The following CAMKMT variants were observed in gnomAD, a reference collection of about 807,000 sequenced individuals.
CAMKMT encodes CaM KMT.
A neutral mutation model predicts 48.0 loss-of-function variants in CAMKMT; 53 were observed. The ratio of observed to expected loss-of-function variants is 1.10; its 90% confidence interval spans 0.89 to 1.39. CAMKMT has a LOEUF of 1.39. CAMKMT is among the 40% of genes most tolerant of loss of function. The pLI is 0.00. For synonymous variants in CAMKMT, 165 were observed against 152.3 expected, an observed-to-expected ratio of 1.08 and a Z score of -0.61; for missense variants, 428 against 402.7, an observed-to-expected ratio of 1.06 and a Z score of -0.54.
At chr2:44,410,885 T>TG (rs1683157014) in intron 3 of CAMKMT, among the ~76,000 whole-genome samples, 2 of 152,170 alleles carry the variant, frequency 1.3e-5, no homozygotes, top group Non-Finnish European at 2.9e-5. Flanking sequence ...AATGAAGCAA[T>TG]TACTTTTTAA....
chr2:44,717,169 C>T (rs1678215030), intron 7 of CAMKMT, among the ~76,000 whole-genome samples: 1 of 151,896 alleles, frequency 6.6e-6, no homozygotes, highest in South Asian at 2.1e-4. Flanking sequence ...AGATATATTG[C>T]TCTGATATGT....
chr2:44,514,070 C>G lies in CAMKMT; in HGVS notation c.376+123765C>G, dbSNP rs146850743. 4.3e-4 allele frequency among the ~76,000 whole-genome samples: 64 copies of G among 148,290 alleles called. No homozygotes were observed. In the East Asian group the frequency reaches 6.7e-3, roughly 16 times the overall value. ...TGAGTTGAGATTGCGCCACTACACT[C>G]TAGCCTGGGTGACAGAGCGAGACCC... On this transcript the variant is annotated intron_variant, in intron 3 of 10. Transcript: ENST00000378494.
intron 3 of CAMKMT, among the ~76,000 whole-genome samples, chr2:44,424,498 C>G (rs186542050): frequency 3.3e-4 from 50 of 152,234 alleles, no homozygotes; most frequent in Admixed American, 1.1e-3. Context: ...ACAATGTTTC[C>G]TCATACAATA....
chr2:44,730,098 A>G (rs556887115), intron 7 of CAMKMT, among the ~76,000 whole-genome samples: 1 of 152,348 alleles, frequency 6.6e-6, no homozygotes, highest in Admixed American at 6.5e-5. Flanking sequence ...GAGGAGAAAG[A>G]TGGTATCAGA....
chr2:44,618,124 G>A lies in CAMKMT; in HGVS notation c.377-86159G>A, dbSNP rs1268082204. Among the ~76,000 whole-genome samples the A allele has an allele frequency of 6.6e-6, 1 of 152,184 alleles. No homozygotes were observed. Among genetic ancestry groups the A allele is most frequent in the Admixed American group, 6.5e-5 (1 of 15,280 alleles). On this transcript the variant is annotated intron_variant, in intron 3 of 10. Transcript: ENST00000378494. The surrounding 1 kb of genome is among the most constrained non-coding windows in gnomAD (Gnocchi z 4.0). ...TAAAAAATGATGTTCTCTGCTTCAA[G>A]CAGCAGGTGTGTTTTTAATCTTTAA... is the stretch of plus-strand genomic sequence containing the variant.
chr2:44,487,985 C>T (rs1669292263), intron 3 of CAMKMT, among the ~76,000 whole-genome samples: 1 of 152,196 alleles, frequency 6.6e-6, no homozygotes, highest in Admixed American at 6.5e-5. Context: ...GTTTCTGCCT[C>T]ATTTTCATAC....
At chr2:44,705,080 G>A (rs116324790) in intron 4 of CAMKMT, among the ~76,000 whole-genome samples, 449 of 152,120 alleles carry the variant, frequency 3.0e-3, no homozygotes, top group African/African-American at 0.01. Flanking sequence ...CAGATAAGCC[G>A]CTAGTGATCA....
chr2:44,591,980 G>A (rs1209144543), intron 3 of CAMKMT, among the ~76,000 whole-genome samples: 1 of 149,400 alleles, frequency 6.7e-6, no homozygotes, highest in East Asian at 2.0e-4. Context: ...ACCAAACACC[G>A]CATATTCTCA....
intron 8 of CAMKMT, among the ~76,000 whole-genome samples, chr2:44,749,595 T>C (rs1466688273): frequency 3.9e-5 from 6 of 152,182 alleles, no homozygotes; most frequent in Non-Finnish European, 8.8e-5. Flanking sequence ...CAACAAACCT[T>C]TATCAACTAA....
intron 3 of CAMKMT, among the ~76,000 whole-genome samples, chr2:44,660,806 A>G (rs575249554): frequency 6.6e-6 from 1 of 152,262 alleles, no homozygotes; most frequent in South Asian, 2.1e-4. Flanking sequence ...ACAGGGTCTC[A>G]CTATGTTGCC....
chr2:44,672,131 A>G (rs1394180916), intron 3 of CAMKMT, among the ~76,000 whole-genome samples: 1 of 152,144 alleles, frequency 6.6e-6, no homozygotes, highest in Admixed American at 6.5e-5. Context: ...CTTAATGAGT[A>G]AGAGTAGTTT....
intron 3 of CAMKMT, among the ~76,000 whole-genome samples, chr2:44,691,911 C>A (rs1573089746): frequency 6.6e-6 from 1 of 152,218 alleles, no homozygotes; most frequent in Non-Finnish European, 1.5e-5. Flanking sequence ...TTCAGACATT[C>A]TCTCCTACTC....
intron 3 of CAMKMT, among the ~76,000 whole-genome samples, chr2:44,418,727 T>C (rs1683734181): frequency 6.6e-6 from 1 of 152,192 alleles, no homozygotes; most frequent in Non-Finnish European, 1.5e-5. Flanking sequence ...CCATTCTAGG[T>C]TCTTGCATTT....
intron 3 of CAMKMT, among the ~76,000 whole-genome samples, chr2:44,643,269 G>C (rs1382858027): frequency 6.6e-6 from 1 of 152,174 alleles, no homozygotes; most frequent in South Asian, 2.1e-4. Context: ...CACTGTGTAA[G>C]GCATGGAGAG....
chr2:44,618,257 A>G lies in CAMKMT; in HGVS notation c.377-86026A>G, dbSNP rs1437270061. Among the ~76,000 whole-genome samples the G allele has an allele frequency of 6.6e-6, 1 of 152,220 alleles. No homozygotes were observed. The highest frequency in any genetic ancestry group is 2.1e-4 in the South Asian group (1 of 4,834). On this transcript the variant is annotated intron_variant, in intron 3 of 10. Transcript: ENST00000378494. This position sits in a 1 kb window ranked among gnomAD's most constrained non-coding sequence, Gnocchi z 4.0. ...CAAACTTTATTGAATTTGACTTAACAGAAGTCAGAAGACAGCTGAAGCATA... is the reference window on the plus strand; with the variant it reads ...CAAACTTTATTGAATTTGACTTAACGGAAGTCAGAAGACAGCTGAAGCATA...
At chr2:44,365,234 C>G (rs1032873094) in intron 1 of CAMKMT, among the ~76,000 whole-genome samples, 1 of 152,180 alleles carries the variant, frequency 6.6e-6, no homozygotes, top group East Asian at 1.9e-4. Flanking sequence ...AAAATTCTGT[C>G]TTTCCATTAC....
At chr2:44,598,930 G>A (rs566362281) in intron 3 of CAMKMT, among the ~76,000 whole-genome samples, 2 of 151,884 alleles carry the variant, frequency 1.3e-5, no homozygotes, top group African/African-American at 4.8e-5. Flanking sequence ...GTAATCACAC[G>A]TGTCGGTAAA....
rs980403970 is a variant in CAMKMT at position 44,374,282 on chromosome 2, A to G, written c.311+1394A>G. ...GAGATAATCAGTTTTGTCCTTGGTT[A>G]GAAAGGAAAGAAAGGTATATGCTTA... On this transcript the variant is annotated intron_variant, in intron 2 of 10. Coordinates refer to ENST00000378494, the MANE Select transcript of CAMKMT (RefSeq NM_024766.5). Among the ~76,000 whole-genome samples the G allele has an allele frequency of 3.3e-5, 5 of 152,160 alleles. No homozygotes were observed. In the East Asian group the frequency reaches 7.7e-4, roughly 23 times the overall value.
intron 3 of CAMKMT, among the ~76,000 whole-genome samples, chr2:44,591,790 A>G (rs1282561884): frequency 6.6e-6 from 1 of 151,950 alleles, no homozygotes; most frequent in Admixed American, 6.6e-5. Context: ...ACTATTCACA[A>G]TAGTAAAGAC....
Sources: allele counts gnomAD v4.1 joint callset (sites outside exome capture counted in the v4.1 genomes callset), GRCh38; gene constraint gnomAD v4.1.1; non-coding constraint Gnocchi (gnomAD v3.1); transcripts MANE v1.5; gene names NCBI Gene and HGNC (gene_info 2026-07-23, HGNC 2026-07-21).